Variants in GRIA4 observed in about 807,000 individuals in gnomAD.
GRIA4 encodes glutamate ionotropic receptor AMPA type subunit 4.
In GRIA4, 34 loss-of-function variants were observed where a neutral mutation model predicts 104.0. The ratio of observed to expected loss-of-function variants is 0.33; its 90% CI spans 0.25 to 0.44. The LOEUF (loss-of-function observed/expected upper bound fraction) is 0.44. GRIA4 is among the 20% of genes least tolerant of loss of function. The pLI is 1.00. For missense variants in GRIA4, 750 were observed against 1,096.5 expected, an observed-to-expected ratio of 0.68 and a Z score of 4.46; for synonymous variants, 386 against 381.9, an observed-to-expected ratio of 1.01 and a Z score of -0.13.
chr11:105,796,896 A>C (rs1942499385), intron 4 of GRIA4, among the ~76,000 whole-genome samples: 1 of 152,184 alleles, frequency 6.6e-6, no homozygotes, highest in African/African-American at 2.4e-5. Flanking sequence ...AAATAAATCC[A>C]GGGACTATAC....
At chr11:105,746,882 G>A (rs766372721) in intron 3 of GRIA4, among the ~76,000 whole-genome samples, 1 of 151,854 alleles carries the variant, frequency 6.6e-6, no homozygotes, top group African/African-American at 2.4e-5. Flanking sequence ...ACCAACAATC[G>A]GCAAAAAGCT....
chr11:105,956,399 G>T (rs534117754), intron 14 of GRIA4, among the ~76,000 whole-genome samples: 1 of 152,092 alleles, frequency 6.6e-6, no homozygotes, highest in African/African-American at 2.4e-5. Context: ...CAGAATGATG[G>T]ATTCCAGCTT....
intron 4 of GRIA4, among the ~76,000 whole-genome samples, chr11:105,771,634 T>C (rs1484645708): frequency 6.6e-6 from 1 of 152,048 alleles, no homozygotes; most frequent in Non-Finnish European, 1.5e-5. Context: ...TGCACTGAAG[T>C]AATTAGGAGT....
At chr11:105,909,177 T>G (rs1947144883) in intron 9 of GRIA4, among the ~76,000 whole-genome samples, 1 of 152,142 alleles carries the variant, frequency 6.6e-6, no homozygotes, top group South Asian at 2.1e-4. Context: ...ATGCAACACT[T>G]GTGAATAATC....
At chr11:105,790,247 C>T (rs184085043) in intron 4 of GRIA4, among the ~76,000 whole-genome samples, 2 of 152,284 alleles carry the variant, frequency 1.3e-5, no homozygotes, top group African/African-American at 4.8e-5. Context: ...AAACTGTGTT[C>T]TCTAGCTCAC....
At chr11:105,647,256 A>G (rs1348548812) in intron 3 of GRIA4, among the ~76,000 whole-genome samples, 1 of 152,208 alleles carries the variant, frequency 6.6e-6, no homozygotes, top group Non-Finnish European at 1.5e-5. Flanking sequence ...GCCATCTCAT[A>G]CCAGTCAGAA....
intron 3 of GRIA4, among the ~76,000 whole-genome samples, chr11:105,689,892 C>T (rs931496988): frequency 6.6e-6 from 1 of 152,192 alleles, no homozygotes; most frequent in Non-Finnish European, 1.5e-5. Flanking sequence ...CTAGCAGATA[C>T]TGGGAAGCAC....
At chr11:105,979,433 T>C (rs983622707) in intron 16 of GRIA4, 142 bp from the exon 17 acceptor site, 5 of 711,264 alleles carry the variant, frequency 7.0e-6, no homozygotes, top group Admixed American at 2.6e-5. Flanking sequence ...GGATAAGCAG[T>C]TTTCATATGA....
chr11:105,742,016 T>G (rs1374557876), intron 3 of GRIA4, among the ~76,000 whole-genome samples: 1 of 152,244 alleles, frequency 6.6e-6, no homozygotes, highest in Non-Finnish European at 1.5e-5. Flanking sequence ...ATAAAAAAAT[T>G]AATTCACTTT....
At chr11:105,647,184 A>C (rs1565431713) in intron 3 of GRIA4, among the ~76,000 whole-genome samples, 1 of 152,342 alleles carries the variant, frequency 6.6e-6, no homozygotes, top group Non-Finnish European at 1.5e-5. Context: ...GCCCATAAGT[A>C]TATGAAAAAA....
intron 14 of GRIA4, among the ~76,000 whole-genome samples, chr11:105,969,530 T>C (rs1858573042): frequency 6.6e-6 from 1 of 152,112 alleles, no homozygotes. Context: ...AAAAGACTGC[T>C]TTAAGAGGGG....
intron 14 of GRIA4, chr11:105,965,988 G>T: frequency 6.2e-7 from 1 of 1,613,414 alleles, no homozygotes. Context: ...AATGAACAAG[G>T]CCTCTTGGAC....
chr11:105,970,520 T>C (rs1413363221), intron 14 of GRIA4, among the ~76,000 whole-genome samples: 4 of 152,200 alleles, frequency 2.6e-5, no homozygotes, highest in Non-Finnish European at 5.9e-5. Context: ...ATTTGTAAAA[T>C]GTGAATGATG....
intron 3 of GRIA4, among the ~76,000 whole-genome samples, chr11:105,734,038 AT>A (rs1938774869): frequency 6.8e-6 from 1 of 146,980 alleles, no homozygotes; most frequent in Non-Finnish European, 1.5e-5. Context: ...ATATATGTAT[AT>A]TATATATAAT....
At chr11:105,617,100 C>T (rs2135258430) in intron 3 of GRIA4, among the ~76,000 whole-genome samples, 1 of 146,826 alleles carries the variant, frequency 6.8e-6, no homozygotes, top group East Asian at 2.0e-4. Context: ...TACATCCTGG[C>T]ATTGGGAAAT....
chr11:105,839,538 C>G (rs1374394716), intron 4 of GRIA4, among the ~76,000 whole-genome samples: 1 of 149,344 alleles, frequency 6.7e-6, no homozygotes, highest in African/African-American at 2.5e-5. Flanking sequence ...TTACAAAACA[C>G]ATATTTCTGT....
intron 15 of GRIA4, among the ~76,000 whole-genome samples, chr11:105,973,023 G>A (rs1858776878): frequency 6.6e-6 from 1 of 152,134 alleles, no homozygotes; most frequent in African/African-American, 2.4e-5. Flanking sequence ...ATTTCTGTCT[G>A]CCCTTTAACC....
rs115325785 is a variant in GRIA4, at chr11:105,917,751, C to G, written c.1270-961C>G. Among the ~76,000 whole-genome samples the G allele has an allele frequency of 2.8e-3, 428 of 151,452 alleles. 3 individuals are homozygous for G. The highest frequency in any genetic ancestry group is 9.8e-3 in the African/African-American group (403 of 41,232). Reference sequence around the variant, plus strand: ...GGTTGGTGGCTTTAGGTGCCACTTACAAAATCAAGTGCTTTTTGCTAAAAT... The same window carrying G: ...GGTTGGTGGCTTTAGGTGCCACTTAGAAAATCAAGTGCTTTTTGCTAAAAT... On this transcript the variant is annotated intron_variant, in intron 10 of 16. Coordinates refer to ENST00000282499, the MANE Select transcript of GRIA4 (RefSeq NM_000829.4).
At chr11:105,859,291 T>C (rs1358967653) in intron 4 of GRIA4, among the ~76,000 whole-genome samples, 1 of 152,174 alleles carries the variant, frequency 6.6e-6, no homozygotes, top group Admixed American at 6.5e-5. Context: ...TGCATGTCCT[T>C]TGCACTGCAA....
Sources: allele counts gnomAD v4.1 joint callset (sites outside exome capture counted in the v4.1 genomes callset), GRCh38; gene constraint gnomAD v4.1.1; transcripts MANE v1.5; gene names NCBI Gene and HGNC (gene_info 2026-07-23, HGNC 2026-07-21).